ADAMTS14: variants seen among roughly 807,000 people sequenced by gnomAD.
ADAMTS14 encodes the protein A disintegrin and metalloproteinase with thrombospondin motifs 14.
Under a neutral mutation model 128.6 loss-of-function variants are expected in ADAMTS14, and 100 were observed. The ratio of observed to expected loss-of-function variants is 0.78; its 90% CI spans 0.66 to 0.92. The LOEUF is 0.92. Ranked by LOEUF, ADAMTS14 falls within the 40% of genes least tolerant of loss-of-function variation. The probability of loss-of-function intolerance (pLI) is 0.00; values close to 1 mark genes in which losing one functional copy is unlikely to be tolerated. For synonymous variants in ADAMTS14, 665 were observed against 653.8 expected (o/e 1.02, Z -0.26); for missense variants, 1,562 against 1,658.6 (o/e 0.94, Z 1.01).
intron 19 of ADAMTS14, among the ~76,000 whole-genome samples, chr10:70,755,884 TA>T (rs886865147): frequency 5.1e-4 from 77 of 152,320 alleles, no homozygotes; most frequent in African/African-American, 1.7e-3. Context: ...TGGCAAACTT[TA>T]TGTTATATAG....
At chr10:70,735,018 G>T (rs1564546404) in intron 8 of ADAMTS14, 151 bp from the exon 9 acceptor site, 2 of 978,676 alleles carry the variant, frequency 2.0e-6, no homozygotes, top group East Asian at 5.7e-5. Context: ...GCTCAAGGCA[G>T]CCCGTCCTCC....
chr10:70,716,601 G>T (rs932710161), intron 4 of ADAMTS14, among the ~76,000 whole-genome samples: 1 of 152,172 alleles, frequency 6.6e-6, no homozygotes, highest in African/African-American at 2.4e-5. Flanking sequence ...CTTGACGCTC[G>T]AATTGCCTTA....
intron 15 of ADAMTS14, among the ~76,000 whole-genome samples, chr10:70,745,908 C>T (rs774851794): frequency 2.6e-5 from 4 of 152,104 alleles, no homozygotes; most frequent in Non-Finnish European, 5.9e-5. Context: ...AGGGCTGTGT[C>T]CTCAACAGGC....
chr10:70,703,595 G>T (rs1316566842), intron 3 of ADAMTS14, among the ~76,000 whole-genome samples: 1 of 152,200 alleles, frequency 6.6e-6, no homozygotes. Flanking sequence ...TCTCCACCAG[G>T]GTTGAGAAGA....
chr10:70,745,384 G>T, intron 15 of ADAMTS14, 78 bp downstream of exon 15: 1 of 1,453,940 alleles, frequency 6.9e-7, no homozygotes, highest in East Asian at 2.3e-5. Context: ...GGAGACCAGA[G>T]GACAAGATTC....
intron 3 of ADAMTS14, among the ~76,000 whole-genome samples, chr10:70,707,754 G>T (rs1840710869): frequency 6.6e-6 from 1 of 152,196 alleles, no homozygotes; most frequent in African/African-American, 2.4e-5. Flanking sequence ...GATTAGACTA[G>T]ATTGGGTTGC....
intron 4 of ADAMTS14, among the ~76,000 whole-genome samples, chr10:70,723,452 T>C (rs1038300944): frequency 6.6e-6 from 1 of 152,250 alleles, no homozygotes; most frequent in African/African-American, 2.4e-5. Flanking sequence ...TAATGGAAGA[T>C]GTTAACATTT....
chr10:70,727,665 C>A (rs1287834948), intron 4 of ADAMTS14, among the ~76,000 whole-genome samples: 1 of 152,142 alleles, frequency 6.6e-6, no homozygotes, highest in South Asian at 2.1e-4. Context: ...TCCCTGACCA[C>A]ACTGCTGGCA....
At chr10:70,701,196 G>A (rs1589276610) in intron 2 of ADAMTS14, among the ~76,000 whole-genome samples, 1 of 152,350 alleles carries the variant, frequency 6.6e-6, no homozygotes, top group Middle Eastern at 3.4e-3. Context: ...CTCCTAAGAT[G>A]CAGCCTCAGA....
intron 4 of ADAMTS14, among the ~76,000 whole-genome samples, chr10:70,715,953 T>C (rs1841024388): frequency 6.6e-6 from 1 of 152,188 alleles, no homozygotes; most frequent in South Asian, 2.1e-4. Context: ...ACTTTACTGT[T>C]GGAGGAAGGC....
intron 6 of ADAMTS14, among the ~76,000 whole-genome samples, 159 bp from the exon 7 acceptor site, chr10:70,732,095 T>G (rs1193890688): frequency 6.6e-6 from 1 of 152,070 alleles, no homozygotes; most frequent in African/African-American, 2.4e-5. Context: ...GGCCCAGGTT[T>G]GTTTGGCTGC....
chr10:70,760,729 C>A lies in ADAMTS14; in HGVS notation c.3548C>A (p.Thr1183Asn), dbSNP rs763463350. The part of the protein sequence containing the change: ...PGASWSISPT[T>N]PGGLPWGWTQ... ...GCATCCTGGAGCATCTCCCCTACCA[C>A]CCCCGGGGGGCTGCCTTGGGGCTGG... Residue 1183 changes from threonine to asparagine, a missense_variant, in exon 22 of 22, where the codon ACC becomes AAC. Thr to Asn is a moderately conservative substitution (Grantham distance 65, BLOSUM62 0). Coordinates refer to ENST00000373207, the MANE Select transcript of ADAMTS14 (RefSeq NM_080722.4). 4.5e-5 allele frequency: 72 copies of A among 1,613,920 alleles called. No homozygotes were observed. The highest frequency in any genetic ancestry group is 6.7e-5 in the African/African-American group (5 of 74,944).
chr10:70,719,320 G>A (rs1841169830), intron 4 of ADAMTS14, among the ~76,000 whole-genome samples: 1 of 150,650 alleles, frequency 6.6e-6, no homozygotes, highest in Admixed American at 6.6e-5. Context: ...GAGTTTTATG[G>A]TTCACACAAC....
At chr10:70,723,293 C>A (rs995567694) in intron 4 of ADAMTS14, among the ~76,000 whole-genome samples, 1 of 152,060 alleles carries the variant, frequency 6.6e-6, no homozygotes. Context: ...AGCAGAGGGG[C>A]TAAGGAGACA....
In ADAMTS14 at chr10:70,674,765, C is replaced by T. The variant is rs774505808; in HGVS notation, c.292C>T (p.Pro98Ser). The change falls in exon 2 of 22, where the codon CCT becomes TCT. Residue 98 changes from proline (P) to serine (S), a missense_variant. Coordinates refer to ENST00000373207, the MANE Select transcript of ADAMTS14 (RefSeq NM_080722.4). ...TCTGCACCCAGGAGGGACCCTGTGG[C>T]CTGGCAGGGTGGGGCGCCACTCCCT... ...SPLHPGGTLW[P>S]GRVGRHSLYF... is the part of the protein sequence containing the mutation. The T allele has an allele frequency of 8.6e-5, 138 of 1,613,362 alleles. No homozygotes were observed. Among genetic ancestry groups the T allele is most frequent in the Non-Finnish European group, 1.1e-4 (131 of 1,179,958 alleles).
At chr10:70,675,063 T>C in intron 2 of ADAMTS14, 68 bp downstream of exon 2, 1 of 1,553,372 alleles carries the variant, frequency 6.4e-7, no homozygotes, top group Non-Finnish European at 8.7e-7. Flanking sequence ...GGTTTTGAGA[T>C]TGCTATGGGC....
Position 70,761,024 on chromosome 10 carries a change from A to G in ADAMTS14, c.*171A>G. 1 of 1,011,046 alleles carries G rather than the reference A, an allele frequency of 9.9e-7. No homozygotes were observed. Among genetic ancestry groups the G allele is most frequent in the Non-Finnish European group, 1.4e-6 (1 of 730,360 alleles). The allele number at this position is 1,011,046 out of a possible 1,614,324, so 62.6% of individuals were successfully genotyped here. On this transcript the variant is annotated 3_prime_UTR_variant, in exon 22 of 22. Transcript: ENST00000373207. ...TCTTTACCCCACAAAGCGGGGTGGG[A>G]GGAAGACAAAGATCAGGGAAAGCCC...
intron 16 of ADAMTS14, 110 bp downstream of exon 16, chr10:70,750,095 T>TGGGCAA: frequency 7.0e-7 from 1 of 1,425,384 alleles, no homozygotes; most frequent in South Asian, 1.4e-5. Context: ...TTTAGGAGCC[T>TGGGCAA]GGGCAAGGGC....
chr10:70,726,485 G>A (rs866690458), intron 4 of ADAMTS14, among the ~76,000 whole-genome samples: 2 of 152,198 alleles, frequency 1.3e-5, no homozygotes, highest in East Asian at 1.9e-4. Flanking sequence ...TCCTGCCCCC[G>A]GGATAACTGA....
Sources: allele counts gnomAD v4.1 joint callset (sites outside exome capture counted in the v4.1 genomes callset), GRCh38; gene constraint gnomAD v4.1.1; transcripts MANE v1.5; gene names NCBI Gene and HGNC (gene_info 2026-07-23, HGNC 2026-07-21).